The following IL1RAPL1 variants were observed in gnomAD, a reference collection of about 807,000 sequenced individuals.
IL1RAPL1 encodes the protein interleukin 1 receptor accessory protein like 1, also known as interleukin-1 receptor accessory protein-like 1.
In IL1RAPL1, 3 loss-of-function variants were observed where a neutral mutation model predicts 48.4. The ratio of observed to expected loss-of-function variants is 0.06; its 90% CI spans 0.03 to 0.16. The LOEUF (loss-of-function observed/expected upper bound fraction) is 0.16, where lower values mean the gene tolerates loss of function less well. IL1RAPL1 is among the 10% of genes least tolerant of loss of function. The pLI is 1.00. For missense variants in IL1RAPL1, 349 were observed against 530.6 expected, an observed-to-expected ratio of 0.66 and a Z score of 3.36; for synonymous variants, 185 against 187.7, an observed-to-expected ratio of 0.99 and a Z score of 0.12.
At chrX:29,698,025 G>A (rs1206239961) in intron 6 of IL1RAPL1, among the ~76,000 whole-genome samples, 1 of 111,030 alleles carries the variant, frequency 9.0e-6, no homozygotes, top group African/African-American at 3.3e-5. Context: ...ATAAGGTCCA[G>A]TGTGACTTGC....
chrX:29,322,367 A>G (rs1932810042), intron 3 of IL1RAPL1, among the ~76,000 whole-genome samples: 1 of 109,702 alleles, frequency 9.1e-6, no homozygotes, highest in African/African-American at 3.3e-5. Context: ...CCTGGGTTCA[A>G]GTGATTCTCC....
intron 2 of IL1RAPL1, among the ~76,000 whole-genome samples, chrX:29,180,636 C>T (rs183473388): frequency 2.7e-5 from 3 of 110,895 alleles, no homozygotes; most frequent in South Asian, 7.7e-4. Flanking sequence ...CTTGGCCTCC[C>T]GAAATGGTGG....
In IL1RAPL1 at chrX:28,777,953, A is replaced by G. The variant is rs1229671408; in HGVS notation, c.-24-11367A>G. ...ATGTTTGAGAAACCCTGCCATAGGC[A>G]ATTTTAAGAAACAGTATTATTGCTT... On this transcript the variant is annotated intron_variant, in intron 1 of 10. Coordinates refer to ENST00000378993, the MANE Select transcript of IL1RAPL1 (RefSeq NM_014271.4). 7.2e-5 allele frequency among the ~76,000 whole-genome samples: 8 copies of G among 111,643 alleles called. No individual in the cohort carries two copies. The East Asian group carries it at 2.3e-3, about 32-fold the overall frequency.
chrX:29,899,291 G>C (rs1025106548), intron 6 of IL1RAPL1, among the ~76,000 whole-genome samples: 1 of 111,128 alleles, frequency 9.0e-6, no homozygotes, highest in Non-Finnish European at 1.9e-5. Context: ...CACGTTTAGA[G>C]ACAATTCAAA....
chrX:29,869,136 A>C (rs1601858923), intron 6 of IL1RAPL1, among the ~76,000 whole-genome samples: 1 of 112,535 alleles, frequency 8.9e-6, no homozygotes, highest in East Asian at 2.8e-4. Flanking sequence ...ATTTTAAAGT[A>C]ATAATTGTAG....
At chrX:29,074,379 C>A (rs1602044127) in intron 2 of IL1RAPL1, among the ~76,000 whole-genome samples, 1 of 111,418 alleles carries the variant, frequency 9.0e-6, no homozygotes, top group Non-Finnish European at 1.9e-5. Context: ...GTCAGGAAAG[C>A]CTGACCATGG....
At chrX:29,527,680 A>C (rs1303799601) in intron 5 of IL1RAPL1, among the ~76,000 whole-genome samples, 1 of 111,348 alleles carries the variant, frequency 9.0e-6, no homozygotes, top group East Asian at 2.8e-4. Flanking sequence ...AAAAAGATTA[A>C]TACATTTTAC....
chrX:28,951,539 A>C (rs141334087), intron 2 of IL1RAPL1, among the ~76,000 whole-genome samples: 1,566 of 111,060 alleles, frequency 0.014, 33 homozygotes, highest in African/African-American at 0.048. Flanking sequence ...TATAATTGTG[A>C]ATATTAAAAA....
At chrX:29,253,030 A>G (rs1931693244) in intron 2 of IL1RAPL1, among the ~76,000 whole-genome samples, 3 of 111,262 alleles carry the variant, frequency 2.7e-5, no homozygotes, top group Admixed American at 9.6e-5. Flanking sequence ...AGTAATTTTT[A>G]AAAATAATGT....
chrX:28,601,045 T>G (rs892498375), intron 1 of IL1RAPL1, among the ~76,000 whole-genome samples: 1 of 111,764 alleles, frequency 8.9e-6, no homozygotes, highest in African/African-American at 3.3e-5. Context: ...TTTAAAGTAC[T>G]GGCTGTGTCT....
rs1381857542 is a variant in IL1RAPL1 at position 28,637,399 on chromosome X, G to A, written c.-25+49352G>A. Among the ~76,000 whole-genome samples, 3 of 111,715 alleles carry A rather than the reference G, an allele frequency of 2.7e-5. No individual in the cohort carries two copies. The Admixed American group carries it at 2.9e-4, about 11-fold the overall frequency. On this transcript the variant is annotated intron_variant, in intron 1 of 10. Coordinates refer to ENST00000378993, the MANE Select transcript of IL1RAPL1 (RefSeq NM_014271.4). ...CACTTTCTGTGATATTTTCAATTTA[G>A]TATTTATCACTACATGTTTATTGTG...
At chrX:29,608,663 A>G (rs1345904460) in intron 5 of IL1RAPL1, among the ~76,000 whole-genome samples, 1 of 103,747 alleles carries the variant, frequency 9.6e-6, no homozygotes, top group African/African-American at 3.6e-5. Context: ...CGTCTCTACT[A>G]AAAATACAAA....
At chrX:29,437,091 T>C (rs750298087) in intron 5 of IL1RAPL1, among the ~76,000 whole-genome samples, 2 of 111,406 alleles carry the variant, frequency 1.8e-5, no homozygotes, top group Non-Finnish European at 3.8e-5. Flanking sequence ...AAGAAAATTA[T>C]TTAATTTTTA....
intron 5 of IL1RAPL1, among the ~76,000 whole-genome samples, chrX:29,560,780 A>G (rs1467820135): frequency 9.0e-6 from 1 of 111,614 alleles, no homozygotes; most frequent in Non-Finnish European, 1.9e-5. Context: ...TCATTTGCCT[A>G]TCTGTGTTAG....
In IL1RAPL1 at chrX:29,328,642, TAGAGAGAG is replaced by T. The variant is rs372684157; in HGVS notation, c.362+45443_362+45450del. Reference sequence around the variant, plus strand: ...AATAAATTATATATGTATATATATATAGAGAGAGAGAGAGAGAGAGAGAGACAGAGAGA... The same window carrying T: ...AATAAATTATATATGTATATATATATAGAGAGAGAGAGAGAGACAGAGAGA... On this transcript the variant is annotated intron_variant, in intron 3 of 10. Coordinates refer to ENST00000378993, the MANE Select transcript of IL1RAPL1 (RefSeq NM_014271.4). Among the ~76,000 whole-genome samples, 662 of 103,987 alleles carry T rather than the reference TAGAGAGAG, an allele frequency of 6.4e-3. 7 individuals are homozygous for T. Among genetic ancestry groups the T allele is most frequent in the African/African-American group, 0.021 (600 of 28,436 alleles). 90.3% of individuals were successfully genotyped at this position (103,987 alleles called of 115,157 possible).
At chrX:28,942,666 A>T (rs992702492) in intron 2 of IL1RAPL1, 4 of 108,102 alleles carry the variant, frequency 3.7e-5, no homozygotes, top group African/African-American at 1.3e-4. Flanking sequence ...AAAAAAAAAA[A>T]AAAGTTTATA....
At chrX:29,289,332 AG>A (rs1433175725) in intron 3 of IL1RAPL1, among the ~76,000 whole-genome samples, 3 of 112,267 alleles carry the variant, frequency 2.7e-5, no homozygotes, top group Non-Finnish European at 5.6e-5. Flanking sequence ...TTTGTTGAAA[AG>A]GCTATGCTTC....
At chrX:29,606,251 G>T (rs987764718) in intron 5 of IL1RAPL1, among the ~76,000 whole-genome samples, 6 of 111,743 alleles carry the variant, frequency 5.4e-5, no homozygotes, top group African/African-American at 2.0e-4. Context: ...AGCAAGATGA[G>T]ATTTCAGGGT....
chrX:29,457,131 CATAAA>C (rs1156769562), intron 5 of IL1RAPL1, among the ~76,000 whole-genome samples: 1 of 108,044 alleles, frequency 9.3e-6, no homozygotes, highest in African/African-American at 3.4e-5. Flanking sequence ...GATGCCCTGT[CATAAA>C]ATAAAATAAA....
Sources: allele counts gnomAD v4.1 joint callset (sites outside exome capture counted in the v4.1 genomes callset), GRCh38; gene constraint gnomAD v4.1.1; transcripts MANE v1.5; gene names NCBI Gene and HGNC (gene_info 2026-07-23, HGNC 2026-07-21).